Variants in CTIF observed in about 807,000 individuals in gnomAD.
CTIF encodes the protein cap binding complex dependent translation initiation factor, also known as CBP80/20-dependent translation initiation factor.
In CTIF, 21 loss-of-function variants were observed where a neutral mutation model predicts 66.0. The ratio of observed to expected loss-of-function variants is 0.32; its 90% CI spans 0.23 to 0.46. The LOEUF (loss-of-function observed/expected upper bound fraction) is 0.46. CTIF is among the 20% of genes least tolerant of loss of function. CTIF has a pLI of 1.00. For synonymous variants in CTIF, 345 were observed against 326.4 expected, an observed-to-expected ratio of 1.06 and a Z score of -0.62; for missense variants, 739 against 812.7, an observed-to-expected ratio of 0.91 and a Z score of 1.10.
intron 1 of CTIF, among the ~76,000 whole-genome samples, chr18:48,615,292 G>C (rs757571007): frequency 6.6e-6 from 1 of 152,200 alleles, no homozygotes; most frequent in Non-Finnish European, 1.5e-5. Context: ...GGAGGTGGAC[G>C]GGCAGAGGAG....
At chr18:48,785,204 A>G (rs750750847) in intron 9 of CTIF, among the ~76,000 whole-genome samples, 1 of 149,478 alleles carries the variant, frequency 6.7e-6, no homozygotes, top group Non-Finnish European at 1.5e-5. Context: ...TCTTTCTTTC[A>G]TGAAGAAAAG....
chr18:48,795,833 CT>C (rs1421186634), intron 9 of CTIF, among the ~76,000 whole-genome samples: 2 of 152,144 alleles, frequency 1.3e-5, no homozygotes, highest in African/African-American at 4.8e-5. Context: ...TAGAAAACGG[CT>C]TTTTTTCCCC....
At chr18:48,575,066 G>A (rs1279107873) in intron 1 of CTIF, among the ~76,000 whole-genome samples, 1 of 152,178 alleles carries the variant, frequency 6.6e-6, no homozygotes, top group South Asian at 2.1e-4. Flanking sequence ...GACACAGGGA[G>A]CCCCGCCTCT....
At chr18:48,850,670 C>T (rs189443821) in intron 10 of CTIF, among the ~76,000 whole-genome samples, 2 of 152,338 alleles carry the variant, frequency 1.3e-5, no homozygotes, top group East Asian at 1.9e-4. Flanking sequence ...ATGGCACTGA[C>T]GGGGCCCCAG....
intron 8 of CTIF, among the ~76,000 whole-genome samples, chr18:48,759,910 A>G (rs1388851585): frequency 6.6e-6 from 1 of 152,196 alleles, no homozygotes; most frequent in Non-Finnish European, 1.5e-5. Context: ...GCTCAGGCTC[A>G]GGCTGGGTCA....
intron 1 of CTIF, among the ~76,000 whole-genome samples, chr18:48,600,743 C>A (rs147262118): frequency 2.6e-5 from 4 of 152,036 alleles, no homozygotes; most frequent in Non-Finnish European, 5.9e-5. Context: ...CTGGCAGTCT[C>A]TCCATCCCCT....
intron 2 of CTIF, among the ~76,000 whole-genome samples, chr18:48,622,460 G>C (rs189275194): frequency 3.4e-4 from 51 of 152,136 alleles, no homozygotes; most frequent in African/African-American, 1.2e-3. Context: ...CACCAAGAAA[G>C]GACAAAAGGA....
intron 9 of CTIF, among the ~76,000 whole-genome samples, chr18:48,807,215 C>T (rs1402603472): frequency 2.0e-5 from 3 of 152,166 alleles, no homozygotes; most frequent in South Asian, 2.1e-4. Flanking sequence ...CCACCCTTCT[C>T]GTGAGAATCA....
At position 48,556,251 on chromosome 18, in the gene CTIF, C is replaced by A. The variant is rs372466955; in HGVS notation, c.-29+16939C>A. Among the ~76,000 whole-genome samples the A allele has an allele frequency of 7.1e-4, 108 of 152,290 alleles. 1 individual carries two copies. The highest frequency in any genetic ancestry group is 2.5e-3 in the African/African-American group (103 of 41,568). ...AGGTCAGGATGCCAATAGGTGGGGG[C>A]ATCACTGTGGAGTGGTAGCGAAGAA... On this transcript the variant is annotated intron_variant, in intron 1 of 11. Coordinates refer to ENST00000256413, the MANE Select transcript of CTIF (RefSeq NM_014772.3).
chr18:48,608,087 C>T (rs2090236838), intron 1 of CTIF, among the ~76,000 whole-genome samples: 2 of 152,058 alleles, frequency 1.3e-5, no homozygotes, highest in South Asian at 4.1e-4. Flanking sequence ...ACTCGGATGC[C>T]TTACAGGGGC....
At chr18:48,582,325 C>T (rs142728350) in intron 1 of CTIF, among the ~76,000 whole-genome samples, 3 of 152,172 alleles carry the variant, frequency 2.0e-5, no homozygotes, top group East Asian at 1.9e-4. Context: ...GGTGTGGACA[C>T]ACCCGTGGGA....
intron 3 of CTIF, among the ~76,000 whole-genome samples, chr18:48,647,853 T>G (rs1291538397): frequency 1.3e-5 from 2 of 152,106 alleles, no homozygotes; most frequent in African/African-American, 4.8e-5. Flanking sequence ...GTCATGACCT[T>G]CTGTAGTTCT....
chr18:48,558,472 A>G (rs535718402), intron 1 of CTIF, among the ~76,000 whole-genome samples: 1 of 152,360 alleles, frequency 6.6e-6, no homozygotes, highest in Admixed American at 6.5e-5. Context: ...AGTTTTGAAT[A>G]ATACATGTTC....
chr18:48,565,309 T>C lies in CTIF; in HGVS notation c.-29+25997T>C, dbSNP rs1568035670. The C allele has an allele frequency of 3.3e-5, 5 of 152,288 alleles. No individual in the cohort carries two copies. The South Asian group carries it at 1.0e-3, about 32-fold the overall frequency. The allele number at this position is 152,288 out of a possible 1,614,324, so 9.4% of individuals were successfully genotyped here. A position where few individuals can be genotyped will look rare whatever the true frequency, so the allele number is the denominator to read the frequency against. Reference sequence around the variant, plus strand: ...TTGTGCTTCCTGGCTGTCAAGGGCCTTGCCTTCCCTTCTACAGGAAACAGC... The same window carrying C: ...TTGTGCTTCCTGGCTGTCAAGGGCCCTGCCTTCCCTTCTACAGGAAACAGC... On this transcript the variant is annotated intron_variant, in intron 1 of 11. Coordinates refer to ENST00000256413, the MANE Select transcript of CTIF (RefSeq NM_014772.3).
intron 10 of CTIF, among the ~76,000 whole-genome samples, chr18:48,836,831 G>A (rs1016117161): frequency 2.3e-4 from 35 of 152,210 alleles, no homozygotes; most frequent in Admixed American, 2.2e-3. Flanking sequence ...GCACATAGAT[G>A]CCATCTGTGA....
At chr18:48,592,402 C>T (rs1231898293) in intron 1 of CTIF, among the ~76,000 whole-genome samples, 3 of 149,624 alleles carry the variant, frequency 2.0e-5, no homozygotes, top group African/African-American at 7.4e-5. Context: ...GAGGCTGAGG[C>T]AAGAGAATCG....
chr18:48,541,726 C>T (rs1043246708), intron 1 of CTIF, among the ~76,000 whole-genome samples: 3 of 152,150 alleles, frequency 2.0e-5, no homozygotes, highest in African/African-American at 7.2e-5. Flanking sequence ...TGCTCAGAGG[C>T]AGCAATTTTG....
At chr18:48,698,010 G>C (rs979308914) in intron 6 of CTIF, among the ~76,000 whole-genome samples, 4 of 149,070 alleles carry the variant, frequency 2.7e-5, no homozygotes, top group African/African-American at 9.9e-5. Flanking sequence ...GTCAAGCGTG[G>C]GGTATGACCA....
At chr18:48,768,307 C>T (rs1909768055) in intron 9 of CTIF, among the ~76,000 whole-genome samples, 1 of 152,082 alleles carries the variant, frequency 6.6e-6, no homozygotes, top group Admixed American at 6.5e-5. Context: ...ATCGGCTGTC[C>T]CCAGCTCCTG....
Sources: allele counts gnomAD v4.1 joint callset (sites outside exome capture counted in the v4.1 genomes callset), GRCh38; gene constraint gnomAD v4.1.1; transcripts MANE v1.5; gene names NCBI Gene and HGNC (gene_info 2026-07-23, HGNC 2026-07-21).